The following DNAJC5B variants were observed in gnomAD, a reference collection of about 807,000 sequenced individuals.
The protein encoded by DNAJC5B is dnaJ homolog subfamily C member 5B.
A neutral mutation model predicts 24.7 loss-of-function variants in DNAJC5B; 23 were observed. The observed-to-expected ratio is 0.93, with a 90% confidence interval of 0.67 to 1.32. DNAJC5B has a LOEUF of 1.32. Ranked by LOEUF, DNAJC5B falls within the 40% of genes most tolerant of loss-of-function variation. The pLI, the probability that DNAJC5B is intolerant of heterozygous loss-of-function variation, is 0.00. For missense variants in DNAJC5B, 238 were observed against 240.8 expected (o/e 0.99, Z 0.08); for synonymous variants, 101 against 90.1 (o/e 1.12, Z -0.68).
chr8:66,095,000 G>T (rs1295852267), intron 5 of DNAJC5B, among the ~76,000 whole-genome samples: 2 of 152,080 alleles, frequency 1.3e-5, no homozygotes, highest in Non-Finnish European at 1.5e-5. Flanking sequence ...TTGATGAAAT[G>T]AGCTGGTCAA....
chr8:66,023,517 T>TA (rs893233873), intron 1 of DNAJC5B, among the ~76,000 whole-genome samples: 9 of 152,200 alleles, frequency 5.9e-5, no homozygotes, highest in South Asian at 2.1e-4. Context: ...CTTTTTTTCT[T>TA]AAAAAAACAT....
intron 3 of DNAJC5B, among the ~76,000 whole-genome samples, chr8:66,061,784 T>G (rs1807088051): frequency 6.6e-6 from 1 of 152,158 alleles, no homozygotes; most frequent in South Asian, 2.1e-4. Flanking sequence ...TTATAAAAAT[T>G]TTTAGATGCC....
chr8:66,039,500 C>A (rs528026668), intron 1 of DNAJC5B, among the ~76,000 whole-genome samples: 2 of 152,030 alleles, frequency 1.3e-5, no homozygotes. Context: ...AGGTGCCCAC[C>A]ACCATGCCTG....
chr8:66,084,481 T>TA (rs890632640), intron 5 of DNAJC5B, among the ~76,000 whole-genome samples: 17 of 151,970 alleles, frequency 1.1e-4, no homozygotes, highest in African/African-American at 2.7e-4. Flanking sequence ...TAGGATCTAA[T>TA]AAAAAAAATC....
chr8:66,058,954 G>A (rs1807025189), intron 3 of DNAJC5B, among the ~76,000 whole-genome samples: 2 of 152,106 alleles, frequency 1.3e-5, no homozygotes, highest in Non-Finnish European at 2.9e-5. Flanking sequence ...GAAAATATCA[G>A]GTACTACTGT....
intron 1 of DNAJC5B, among the ~76,000 whole-genome samples, chr8:66,033,665 A>G (rs1028043698): frequency 6.6e-6 from 1 of 151,920 alleles, no homozygotes; most frequent in Non-Finnish European, 1.5e-5. Context: ...TAGGACTCTG[A>G]GAATACTCTA....
intron 1 of DNAJC5B, among the ~76,000 whole-genome samples, chr8:66,042,815 C>T (rs1348736127): frequency 6.6e-6 from 1 of 150,602 alleles, no homozygotes; most frequent in African/African-American, 2.4e-5. Flanking sequence ...CTAAAAAACT[C>T]TCAACTAGAG....
At chr8:66,016,478 A>G in the DNAJC5B span, among the ~76,000 whole-genome samples, 6 of 152,162 alleles carry the variant, frequency 3.9e-5, no homozygotes, top group Non-Finnish European at 7.3e-5. Context: ...GCCTTCTGCC[A>G]TGATTGTAAG....
At chr8:66,064,139 G>T (rs986262477) in intron 3 of DNAJC5B, among the ~76,000 whole-genome samples, 1 of 152,302 alleles carries the variant, frequency 6.6e-6, no homozygotes, top group African/African-American at 2.4e-5. Context: ...GAGACTGCCA[G>T]TCTAGAAAAA....
chr8:66,076,525 C>A, intron 3 of DNAJC5B, 135 bp from the exon 4 acceptor site: 1 of 917,118 alleles, frequency 1.1e-6, no homozygotes, highest in Non-Finnish European at 1.7e-6. Context: ...TTGTTAATCA[C>A]CGCTAGTCTG....
chr8:66,070,428 G>A (rs139300906), intron 3 of DNAJC5B, among the ~76,000 whole-genome samples: 2,627 of 152,028 alleles, frequency 0.017, 63 homozygotes, highest in African/African-American at 0.059. Flanking sequence ...GACAGAGAGC[G>A]AAATCATGAG....
At chr8:66,055,902 T>A (rs182202684) in intron 3 of DNAJC5B, among the ~76,000 whole-genome samples, 4 of 152,308 alleles carry the variant, frequency 2.6e-5, no homozygotes, top group African/African-American at 9.6e-5. Context: ...AGAGCCGAGA[T>A]CATGCTGCTG....
At chr8:66,057,886 G>C (rs1164671750) in intron 3 of DNAJC5B, 2 of 152,190 alleles carry the variant, frequency 1.3e-5, no homozygotes, top group Admixed American at 6.5e-5. Context: ...TAAAAGAATT[G>C]TCACTAGCAG....
intron 1 of DNAJC5B, among the ~76,000 whole-genome samples, chr8:66,028,803 C>G (rs2128955988): frequency 6.6e-6 from 1 of 152,284 alleles, no homozygotes; most frequent in African/African-American, 2.4e-5. Context: ...TTTCTCTGCA[C>G]TCGTTGGCCA....
chr8:66,078,632 G>A (rs1262379896), intron 4 of DNAJC5B, among the ~76,000 whole-genome samples: 2 of 152,168 alleles, frequency 1.3e-5, no homozygotes, highest in East Asian at 1.9e-4. Flanking sequence ...AGTTTCTTGG[G>A]GCAATGGCTC....
At chr8:66,067,769 T>C (rs779844346) in intron 3 of DNAJC5B, among the ~76,000 whole-genome samples, 2 of 152,186 alleles carry the variant, frequency 1.3e-5, no homozygotes, top group Admixed American at 6.5e-5. Context: ...TATTGGGATA[T>C]ATGTGAAGCC....
chr8:66,036,404 A>C (rs1032752457), intron 1 of DNAJC5B, among the ~76,000 whole-genome samples: 8 of 152,168 alleles, frequency 5.3e-5, no homozygotes, highest in Non-Finnish European at 8.8e-5. Flanking sequence ...TTACAAAAAA[A>C]CCAGATTTTG....
chr8:66,072,041 G>T (rs558152151), intron 3 of DNAJC5B, among the ~76,000 whole-genome samples: 2 of 142,990 alleles, frequency 1.4e-5, no homozygotes, highest in Admixed American at 1.4e-4. Context: ...ACACAGTGGG[G>T]CCTGTCAGGG....
At chr8:66,020,577 G>A (rs181089827), upstream of DNAJC5B, among the ~76,000 whole-genome samples, 111 of 150,354 alleles carry the variant, frequency 7.4e-4, 1 homozygote, top group Non-Finnish European at 1.4e-3. Context: ...ACCTGGTATA[G>A]CGCTGTAATC....
Sources: gnomAD v4.1 joint callset for allele counts (sites outside exome capture counted in the v4.1 genomes callset) on GRCh38, gnomAD v4.1.1 for gene constraint, MANE v1.5 for transcripts, NCBI Gene and HGNC (gene_info 2026-07-23, HGNC 2026-07-21) for gene names.